The following PTPRG variants were observed in gnomAD, a reference collection of about 807,000 sequenced individuals.
PTPRG encodes receptor-type tyrosine-protein phosphatase gamma.
PTPRG carries 102 observed loss-of-function variants against 165.3 expected under a neutral mutation model. The observed-to-expected ratio is 0.62, with a 90% CI of 0.53 to 0.73. The LOEUF (loss-of-function observed/expected upper bound fraction) is 0.73. Among genes scored for constraint, PTPRG ranks in the 30% least tolerant of loss-of-function variants. PTPRG has a pLI of 0.00. For missense variants in PTPRG, 1,866 were observed against 1,861.4 expected, an observed-to-expected ratio of 1.00 and a Z score of -0.05; for synonymous variants, 675 against 669.5, an observed-to-expected ratio of 1.01 and a Z score of -0.13.
intron 12 of PTPRG, among the ~76,000 whole-genome samples, chr3:62,218,039 G>C (rs1485270522): frequency 2.0e-5 from 3 of 152,156 alleles, no homozygotes; most frequent in African/African-American, 7.2e-5. Context: ...TGGGGTAGGT[G>C]ATAGGATCAA....
chr3:61,648,903 A>G (rs964806197), intron 1 of PTPRG, among the ~76,000 whole-genome samples: 2 of 152,236 alleles, frequency 1.3e-5, no homozygotes. Flanking sequence ...TTATTTATTT[A>G]CATGAAAAAA....
chr3:61,954,602 G>A (rs1213383987), intron 2 of PTPRG, among the ~76,000 whole-genome samples: 1 of 152,186 alleles, frequency 6.6e-6, no homozygotes, highest in Non-Finnish European at 1.5e-5. Context: ...GAGCTGGCAG[G>A]ATTGGAGAGA....
intron 1 of PTPRG, among the ~76,000 whole-genome samples, chr3:61,622,654 C>T (rs1195432138): frequency 6.6e-6 from 1 of 152,070 alleles, no homozygotes; most frequent in Non-Finnish European, 1.5e-5. Context: ...AATTGCAAAT[C>T]CTTATAACTG....
At chr3:61,570,676 A>G (rs1163828122) in intron 1 of PTPRG, among the ~76,000 whole-genome samples, 1 of 152,224 alleles carries the variant, frequency 6.6e-6, no homozygotes, top group African/African-American at 2.4e-5. Context: ...AAGGGGACAC[A>G]GCCATAAGCA....
intron 1 of PTPRG, among the ~76,000 whole-genome samples, chr3:61,709,517 G>A (rs987900524): frequency 2.0e-5 from 3 of 152,062 alleles, no homozygotes; most frequent in Non-Finnish European, 2.9e-5. Flanking sequence ...GTTTTGCCAT[G>A]TTGGCCAGGC....
chr3:61,737,090 G>C (rs1191720031), intron 1 of PTPRG, among the ~76,000 whole-genome samples: 1 of 152,110 alleles, frequency 6.6e-6, no homozygotes, highest in East Asian at 1.9e-4. Flanking sequence ...ATCCTTGTAT[G>C]TGCTGTTCCC....
intron 4 of PTPRG, among the ~76,000 whole-genome samples, chr3:62,069,674 T>A (rs867599494): frequency 0.14 from 4,038 of 28,928 alleles, 224 homozygotes; most frequent in African/African-American, 0.24. Flanking sequence ...TCTCTCTCTC[T>A]CTCTCTCTCT....
chr3:62,075,767 A>G (rs988244025), intron 4 of PTPRG, among the ~76,000 whole-genome samples: 16 of 152,108 alleles, frequency 1.1e-4, no homozygotes, highest in African/African-American at 3.9e-4. Flanking sequence ...TCACCGTCAA[A>G]TCTCTAAATC....
intron 1 of PTPRG, among the ~76,000 whole-genome samples, chr3:61,643,260 G>GGGGAGAGAGA (rs1158601764): frequency 1.4e-5 from 2 of 138,506 alleles, no homozygotes; most frequent in East Asian, 2.2e-4. Context: ...CCCCATCTGG[G>GGGGAGAGAGA]GAGAGAGAGA....
intron 2 of PTPRG, among the ~76,000 whole-genome samples, chr3:61,942,493 C>G (rs946638630): frequency 6.6e-6 from 1 of 152,178 alleles, no homozygotes; most frequent in Non-Finnish European, 1.5e-5. Context: ...ATTTTAGGTT[C>G]AACAAATATT....
intron 1 of PTPRG, among the ~76,000 whole-genome samples, chr3:61,661,050 C>A (rs1702646642): frequency 6.6e-6 from 1 of 151,974 alleles, no homozygotes; most frequent in Admixed American, 6.6e-5. Context: ...GGTTTGGACA[C>A]TTTTTCCCCC....
intron 2 of PTPRG, among the ~76,000 whole-genome samples, chr3:61,833,067 T>G (rs1454364619): frequency 1.4e-5 from 2 of 146,792 alleles, no homozygotes; most frequent in Non-Finnish European, 1.5e-5. Context: ...TAGTATTCCA[T>G]TGTGTGTGTG....
intron 2 of PTPRG, among the ~76,000 whole-genome samples, chr3:61,767,857 C>A (rs1055956141): frequency 2.0e-5 from 3 of 150,890 alleles, no homozygotes; most frequent in African/African-American, 4.9e-5. Flanking sequence ...GTAGTTCCAA[C>A]TACTGTGGAG....
chr3:61,707,106 C>T (rs1472300344), intron 1 of PTPRG, among the ~76,000 whole-genome samples: 1 of 152,060 alleles, frequency 6.6e-6, no homozygotes, highest in Non-Finnish European at 1.5e-5. Flanking sequence ...CATAGTTTTC[C>T]ATAGTATAAA....
intron 12 of PTPRG, among the ~76,000 whole-genome samples, chr3:62,206,085 T>C (rs1195323170): frequency 6.6e-6 from 1 of 152,180 alleles, no homozygotes; most frequent in East Asian, 1.9e-4. Flanking sequence ...AAACATTTGT[T>C]TGACCACATT....
intron 1 of PTPRG, among the ~76,000 whole-genome samples, chr3:61,701,695 C>G (rs959825644): frequency 2.0e-5 from 3 of 152,082 alleles, no homozygotes; most frequent in African/African-American, 4.8e-5. Flanking sequence ...CCCAAGAGTT[C>G]AGGACCAGCC....
rs899152171 is a variant in PTPRG, at chr3:62,203,355, G to T, written c.1560G>T (p.Gly520=). The part of the protein sequence containing the change: ...VVTSTLLAGL[G]FGGGGISSFP... ...CCAGCACGCTGCTCGCCGGCCTGGG[G>T]TTCGGCGGTGGTGGCATCTCCTCTT... Residue 520 remains glycine, a synonymous_variant, in exon 12 of 30, where the codon GGG becomes GGT. Transcript: ENST00000474889. This position sits in a 1 kb window ranked among gnomAD's most constrained non-coding sequence, Gnocchi z 6.4. 3.1e-6 allele frequency: 5 copies of T among 1,613,170 alleles called. No individual in the cohort carries two copies. The Admixed American group carries it at 5.0e-5, about 16-fold the overall frequency.
At chr3:62,269,264 G>T (rs1701981965) in intron 20 of PTPRG, 95 bp downstream of exon 20, 3 of 1,305,728 alleles carry the variant, frequency 2.3e-6, no homozygotes, top group Middle Eastern at 2.0e-4. Context: ...TAACCAACTT[G>T]GTTTTTAAAA....
chr3:61,916,601 G>A (rs2038941871), intron 2 of PTPRG, among the ~76,000 whole-genome samples: 1 of 152,000 alleles, frequency 6.6e-6, no homozygotes, highest in Admixed American at 6.6e-5. Context: ...CTATTCGATT[G>A]TTTCTCTTTA....
Sources: allele counts gnomAD v4.1 joint callset (sites outside exome capture counted in the v4.1 genomes callset), GRCh38; gene constraint gnomAD v4.1.1; non-coding constraint Gnocchi (gnomAD v3.1); transcripts MANE v1.5; gene names NCBI Gene and HGNC (gene_info 2026-07-23, HGNC 2026-07-21).